The following PLG variants were observed in gnomAD, a reference collection of about 807,000 sequenced individuals.
PLG encodes plasminogen, also known as plasmin.
In PLG, 41 loss-of-function variants were observed where a neutral mutation model predicts 104.4. The ratio of observed to expected loss-of-function variants is 0.39; its 90% CI spans 0.31 to 0.51. The LOEUF (loss-of-function observed/expected upper bound fraction) is 0.51, where lower values mean the gene tolerates loss of function less well. PLG is among the 20% of genes least tolerant of loss of function. The pLI is 0.76. For synonymous variants in PLG, 337 were observed against 357.1 expected, an observed-to-expected ratio of 0.94 and a Z score of 0.63; for missense variants, 891 against 1,003.6, an observed-to-expected ratio of 0.89 and a Z score of 1.52.
Position 160,738,980 on chromosome 6 carries a change from G to T in PLG, c.1878-88G>T. The T allele has an allele frequency of 6.6e-7, 1 of 1,511,542 alleles. No individual in the cohort carries two copies. Among genetic ancestry groups the T allele is most frequent in the Non-Finnish European group, 9.2e-7 (1 of 1,087,880 alleles). 93.6% of individuals were successfully genotyped at this position (1,511,542 alleles called of 1,614,324 possible). ...TCACTAATTCTGAGTGGCCAAGGGT[G>T]TCAGGGAGACAGCACCAATTTCATG... On this transcript the variant is annotated intron_variant, in intron 15 of 18. Transcript: ENST00000308192. The surrounding 1 kb of genome is among the most constrained non-coding windows in gnomAD (Gnocchi z 6.8).
chr6:160,718,629 A>C, intron 8 of PLG, 64 bp from the exon 9 acceptor site: 2 of 1,550,398 alleles, frequency 1.3e-6, no homozygotes, highest in Non-Finnish European at 1.8e-6. Flanking sequence ...GGTTGTTCTC[A>C]AAGCGTGGTT....
At position 160,752,985 on chromosome 6, in the gene PLG, G is replaced by A. The variant is rs376140019; in HGVS notation, c.2357G>A (p.Arg786His). ...GVTSWGLGCA[R>H]PNKPGVYVRV... ...ACTTCTTGGGGTCTTGGCTGTGCAC[G>A]CCCCAATAAGCCTGGTGTCTATGTT... The change falls in exon 19 of 19, where the codon CGC becomes CAC. Residue 786 changes from arginine (R) to histidine (H), a missense_variant. Arg to His is a conservative substitution (Grantham distance 29, BLOSUM62 0). Transcript: ENST00000308192. The surrounding 1 kb of genome is among the most constrained non-coding windows in gnomAD (Gnocchi z 4.7). 18 of 1,607,586 alleles carry A rather than the reference G, an allele frequency of 1.1e-5. No individual in the cohort carries two copies. Among genetic ancestry groups the A allele is most frequent in the Middle Eastern group, 1.6e-4 (1 of 6,070 alleles).
intron 17 of PLG, among the ~76,000 whole-genome samples, chr6:160,748,196 T>C (rs1778309215): frequency 6.6e-6 from 1 of 151,102 alleles, no homozygotes; most frequent in Non-Finnish European, 1.5e-5. Flanking sequence ...TCCCAGCTAC[T>C]CAGGAGGCTG....
At chr6:160,748,123 G>A (rs905016516) in intron 17 of PLG, among the ~76,000 whole-genome samples, 12 of 151,556 alleles carry the variant, frequency 7.9e-5, no homozygotes, top group East Asian at 7.8e-4. Context: ...TGACCAACAC[G>A]GTGAAACCCC....
intron 9 of PLG, among the ~76,000 whole-genome samples, chr6:160,721,038 G>C (rs1279810661): frequency 6.6e-6 from 1 of 151,912 alleles, no homozygotes; most frequent in African/African-American, 2.4e-5. Flanking sequence ...CTGATATTAT[G>C]ACTTTTTTTC....
rs200604924 is a variant in PLG at position 160,718,757 on chromosome 6, A to G, written c.1015A>G (p.Asn339Asp). Residue 339 changes from asparagine to aspartate, a missense_variant, in exon 9 of 19, where the codon AAC becomes GAC. Physicochemically the swap from Asn to Asp is conservative, Grantham distance 23 (BLOSUM62 1). Coordinates refer to ENST00000308192, the MANE Select transcript of PLG (RefSeq NM_000301.5). ...GKRAPWCHTT[N>D]SQVRWEYCKI... ...AAGGGCCCCATGGTGCCATACAACC[A>G]ACAGCCAAGTGCGGTGGGAGTACTG... 1 of 1,613,760 alleles carries G rather than the reference A, an allele frequency of 6.2e-7. No individual in the cohort carries two copies. Among genetic ancestry groups the G allele is most frequent in the Non-Finnish European group, 8.5e-7 (1 of 1,179,708 alleles).
rs1009118058 is a variant in PLG, at chr6:160,752,801, T to C, written c.2272-99T>C. ...TCATAAGTTCCTTTCTGATTTCAAT[T>C]ACTGGGAAAATGTATATATGGATAG... is the stretch of plus-strand genomic sequence containing the variant. On this transcript the variant is annotated intron_variant, in intron 18 of 18. Transcript: ENST00000308192. This position sits in a 1 kb window ranked among gnomAD's most constrained non-coding sequence, Gnocchi z 4.7. 135 of 1,388,656 alleles carry C rather than the reference T, an allele frequency of 9.7e-5. No individual in the cohort carries two copies. Among genetic ancestry groups the C allele is most frequent in the Non-Finnish European group, 1.3e-4 (129 of 976,876 alleles). 86.0% of individuals were successfully genotyped at this position (1,388,656 alleles called of 1,614,324 possible). A position where few individuals can be genotyped will look rare whatever the true frequency, so the allele number is the denominator to read the frequency against.
rs989047487 is a variant in PLG, at chr6:160,741,948, T to G, written c.2125+531T>G. Among the ~76,000 whole-genome samples the G allele has an allele frequency of 6.6e-6, 1 of 152,220 alleles. No homozygotes were observed. The highest frequency in any genetic ancestry group is 2.4e-5 in the African/African-American group (1 of 41,452). On this transcript the variant is annotated intron_variant, in intron 17 of 18. Coordinates refer to ENST00000308192, the MANE Select transcript of PLG (RefSeq NM_000301.5). The surrounding 1 kb of genome is among the most constrained non-coding windows in gnomAD (Gnocchi z 4.7). ...TGTTCCTGTGTTAGTTTTCTAAGAA[T>G]AACGGCCTCCAGCTCCATTCATGTT...
intron 6 of PLG, among the ~76,000 whole-genome samples, chr6:160,716,391 C>T (rs1240021768): frequency 6.6e-6 from 1 of 152,072 alleles, no homozygotes; most frequent in African/African-American, 2.4e-5. Context: ...TGAGTGAGTT[C>T]AAGGAGTTCA....
rs1267060061 is a variant in PLG, at chr6:160,724,977, G to C, written c.1256+2410G>C. 6.6e-6 allele frequency among the ~76,000 whole-genome samples: 1 copy of C among 152,160 alleles called. No individual in the cohort carries two copies. Among genetic ancestry groups the C allele is most frequent in the African/African-American group, 2.4e-5 (1 of 41,442 alleles). ...AATTTCTTTAAAAGATAATTGATGG[G>C]AGGCTGAGTCGGGCAGATCATGGGG... On this transcript the variant is annotated intron_variant, in intron 10 of 18. Coordinates refer to ENST00000308192, the MANE Select transcript of PLG (RefSeq NM_000301.5). This position sits in a 1 kb window ranked among gnomAD's most constrained non-coding sequence, Gnocchi z 5.0.
At position 160,741,230 on chromosome 6, in the gene PLG, C is replaced by T. The variant is rs1229232066; in HGVS notation, c.2019-81C>T. On this transcript the variant is annotated intron_variant, in intron 16 of 18. Transcript: ENST00000308192. The surrounding 1 kb of genome is among the most constrained non-coding windows in gnomAD (Gnocchi z 4.7). ...GTGCCAGTTCAGAGGGCTCTGGGGC[C>T]TCAAGACAGGGATGACTGGTTGTGG... is the stretch of plus-strand genomic sequence containing the variant. 9 of 987,008 alleles carry T rather than the reference C, an allele frequency of 9.1e-6. No individual in the cohort carries two copies. The highest frequency in any genetic ancestry group is 5.1e-5 in the South Asian group (4 of 78,122). 61.1% of individuals were successfully genotyped at this position (987,008 alleles called of 1,614,324 possible).
chr6:160,704,682 C>T (rs1360967195), intron 1 of PLG, among the ~76,000 whole-genome samples: 2 of 152,218 alleles, frequency 1.3e-5, no homozygotes, highest in Non-Finnish European at 2.9e-5. Flanking sequence ...CTTTAGAATG[C>T]ATCAGCCAAC....
chr6:160,705,178 C>A (rs567417910), intron 1 of PLG, among the ~76,000 whole-genome samples: 2 of 152,192 alleles, frequency 1.3e-5, no homozygotes, highest in Non-Finnish European at 2.9e-5. Flanking sequence ...TGGCCTCTCA[C>A]CCTTGTGCAA....
At position 160,723,656 on chromosome 6, in the gene PLG, A is replaced by T. The variant is rs1777880561; in HGVS notation, c.1256+1089A>T. On this transcript the variant is annotated intron_variant, in intron 10 of 18. Transcript: ENST00000308192. The surrounding 1 kb of genome is among the most constrained non-coding windows in gnomAD (Gnocchi z 4.7). ...CAGGAATGTCCATAGAAAAGTCCTC[A>T]AGTCTTTGGCTAAATAGAAAGCTGC... Among the ~76,000 whole-genome samples the T allele has an allele frequency of 6.6e-6, 1 of 152,208 alleles. No homozygotes were observed. The highest frequency in any genetic ancestry group is 2.1e-4 in the South Asian group (1 of 4,832).
Position 160,738,665 on chromosome 6 carries a change from C to T in PLG, c.1877+53C>T. The T allele has an allele frequency of 3.5e-6, 4 of 1,146,132 alleles. No individual in the cohort carries two copies. In the South Asian group the frequency reaches 4.9e-5, roughly 14 times the overall value. The allele number at this position is 1,146,132 out of a possible 1,614,324, so 71.0% of individuals were successfully genotyped here. On this transcript the variant is annotated intron_variant, in intron 15 of 18. Transcript: ENST00000308192. The surrounding 1 kb of genome is among the most constrained non-coding windows in gnomAD (Gnocchi z 6.8). ...GTCTTGTCTTAAATACTTTTTCTGT[C>T]CTTCTTTTCCTCCTTTCCTCCTTTC...
rs1269302511 is a variant in PLG at position 160,731,370 on chromosome 6, C to T, written c.1438+138C>T. On this transcript the variant is annotated intron_variant, in intron 11 of 18. Coordinates refer to ENST00000308192, the MANE Select transcript of PLG (RefSeq NM_000301.5). The surrounding 1 kb of genome is among the most constrained non-coding windows in gnomAD (Gnocchi z 5.1). ...GAGGGTCTGCCATGTGGAAGGAAGCCTCAGTGCACTCTCTCAAGGAGGCAG... is the reference window on the plus strand; with the variant it reads ...GAGGGTCTGCCATGTGGAAGGAAGCTTCAGTGCACTCTCTCAAGGAGGCAG... 2.5e-6 allele frequency: 2 copies of T among 809,014 alleles called. No homozygotes were observed. Among genetic ancestry groups the T allele is most frequent in the Non-Finnish European group, 4.1e-6 (2 of 482,176 alleles). The allele number at this position is 809,014 out of a possible 1,614,324, so 50.1% of individuals were successfully genotyped here.
At chr6:160,718,552 T>C in intron 8 of PLG, 96 bp downstream of exon 8, 1 of 1,363,720 alleles carries the variant, frequency 7.3e-7, no homozygotes, top group South Asian at 1.2e-5. Flanking sequence ...GGATAAAGTA[T>C]TCTGGAAGAA....
chr6:160,721,815 G>A (rs142279034), intron 9 of PLG, among the ~76,000 whole-genome samples: 13 of 152,306 alleles, frequency 8.5e-5, no homozygotes, highest in African/African-American at 2.6e-4. Flanking sequence ...TGGAAAGAAA[G>A]AGTAGTAGGC....
Position 160,725,475 on chromosome 6 carries a change from G to T in PLG, c.1256+2908G>T, listed in dbSNP as rs1242616246. On this transcript the variant is annotated intron_variant, in intron 10 of 18. Coordinates refer to ENST00000308192, the MANE Select transcript of PLG (RefSeq NM_000301.5). The surrounding 1 kb of genome is among the most constrained non-coding windows in gnomAD (Gnocchi z 6.3). ...ACAACTGAAAAAATTTAAACTTAGAGGAATAGATAATAATAAGAATGTTCC... is the reference window on the plus strand; with the variant it reads ...ACAACTGAAAAAATTTAAACTTAGATGAATAGATAATAATAAGAATGTTCC... Among the ~76,000 whole-genome samples, 1 of 151,582 alleles carries T rather than the reference G, an allele frequency of 6.6e-6. No individual in the cohort carries two copies. Among genetic ancestry groups the T allele is most frequent in the African/African-American group, 2.4e-5 (1 of 41,228 alleles).
Sources: allele counts gnomAD v4.1 joint callset (sites outside exome capture counted in the v4.1 genomes callset), GRCh38; gene constraint gnomAD v4.1.1; non-coding constraint Gnocchi (gnomAD v3.1); transcripts MANE v1.5; gene names NCBI Gene and HGNC (gene_info 2026-07-23, HGNC 2026-07-21).